GNG7: variants seen among roughly 807,000 people sequenced by gnomAD.
The protein encoded by GNG7 is G protein subunit gamma 7.
In GNG7, 1 loss-of-function variant was observed where a neutral mutation model predicts 4.0. The ratio of observed to expected loss-of-function variants is 0.25; its 90% CI spans 0.09 to 1.18. The LOEUF (loss-of-function observed/expected upper bound fraction) is 1.18. Ranked by LOEUF, GNG7 falls within the 50% of genes most tolerant of loss-of-function variation. The pLI, the probability that GNG7 is intolerant of heterozygous loss-of-function variation, is 0.50. For missense variants in GNG7, 86 were observed against 91.9 expected (o/e 0.94, Z 0.26); for synonymous variants, 34 against 36.9 (o/e 0.92, Z 0.29).
At chr19:2,612,232 C>G (rs912254608) in intron 2 of GNG7, among the ~76,000 whole-genome samples, 6 of 152,090 alleles carry the variant, frequency 3.9e-5, no homozygotes, top group Non-Finnish European at 8.8e-5. Context: ...CCCTGGGGCC[C>G]CATCCTTCTC....
chr19:2,655,240 T>A (rs1982936197), intron 1 of GNG7, among the ~76,000 whole-genome samples: 1 of 142,408 alleles, frequency 7.0e-6, no homozygotes, highest in African/African-American at 2.6e-5. Flanking sequence ...AGACCCTATC[T>A]CAAAAAAAAG....
In GNG7 at chr19:2,628,548, C is replaced by T. The variant is rs140609641; in HGVS notation, c.-78+17676G>A. ...GTGTATATATATATATAACATAAGA[C>T]GGATCATCTTAACCACGTTTATGTG... On this transcript the variant is annotated intron_variant, in intron 2 of 4. Coordinates refer to ENST00000382159, the MANE Select transcript of GNG7 (RefSeq NM_052847.3). 9.1e-3 allele frequency among the ~76,000 whole-genome samples: 1,370 copies of T among 150,322 alleles called. 25 individuals carry two copies. The highest frequency in any genetic ancestry group is 0.028 in the African/African-American group (1,132 of 39,894).
intron 4 of GNG7, among the ~76,000 whole-genome samples, chr19:2,517,455 C>T (rs1277936515): frequency 6.6e-6 from 1 of 152,160 alleles, no homozygotes; most frequent in Non-Finnish European, 1.5e-5. Context: ...ACCTCCGCCC[C>T]CTGGGTCCAA....
chr19:2,530,382 C>T (rs990647475), intron 3 of GNG7, among the ~76,000 whole-genome samples: 2 of 147,698 alleles, frequency 1.4e-5, no homozygotes, highest in South Asian at 2.1e-4. Flanking sequence ...CACTGCACTC[C>T]AGCCTGGGCG....
At chr19:2,580,154 G>C (rs1038385591) in intron 2 of GNG7, among the ~76,000 whole-genome samples, 14 of 152,176 alleles carry the variant, frequency 9.2e-5, no homozygotes, top group Non-Finnish European at 1.9e-4. Flanking sequence ...GCAGCTGAGT[G>C]AGCCCTGCCA....
chr19:2,647,364 C>T (rs919684803), intron 1 of GNG7, among the ~76,000 whole-genome samples: 4 of 152,122 alleles, frequency 2.6e-5, no homozygotes, highest in South Asian at 4.1e-4. Context: ...GGGGAGAGGG[C>T]CTGGAAGCTG....
At chr19:2,695,328 C>T (rs1385564695) in intron 1 of GNG7, among the ~76,000 whole-genome samples, 1 of 151,550 alleles carries the variant, frequency 6.6e-6, no homozygotes, top group African/African-American at 2.4e-5. Context: ...CTATTCAGCT[C>T]CTAGAACACA....
intron 3 of GNG7, among the ~76,000 whole-genome samples, chr19:2,526,226 T>G (rs1366173717): frequency 1.3e-5 from 2 of 151,672 alleles, no homozygotes; most frequent in Non-Finnish European, 2.9e-5. Flanking sequence ...TGCCTCGGCC[T>G]CCCAGAGTGC....
At chr19:2,699,135 G>A (rs967179914) in intron 1 of GNG7, among the ~76,000 whole-genome samples, 9 of 147,690 alleles carry the variant, frequency 6.1e-5, no homozygotes, top group African/African-American at 1.5e-4. Flanking sequence ...GGCCCACCTA[G>A]AAAGGAGTAG....
At chr19:2,657,974 C>T (rs1983039493) in intron 1 of GNG7, among the ~76,000 whole-genome samples, 1 of 152,100 alleles carries the variant, frequency 6.6e-6, no homozygotes, top group Non-Finnish European at 1.5e-5. Flanking sequence ...CATGACCTTA[C>T]CTATCATTGG....
At position 2,633,075 on chromosome 19, in the gene GNG7, C is replaced by T. The variant is rs931395983; in HGVS notation, c.-78+13149G>A. On this transcript the variant is annotated intron_variant, in intron 2 of 4. Transcript: ENST00000382159. This position sits in a 1 kb window ranked among gnomAD's most constrained non-coding sequence, Gnocchi z 5.9. Reference sequence around the variant, plus strand: ...ACCATCTATGACACGCATCCCCAGGCGGCACCGGGAGTGTCTGCGCAGAGA... The same window carrying T: ...ACCATCTATGACACGCATCCCCAGGTGGCACCGGGAGTGTCTGCGCAGAGA... 2.0e-5 allele frequency among the ~76,000 whole-genome samples: 3 copies of T among 152,232 alleles called. No homozygotes were observed. The highest frequency in any genetic ancestry group is 7.2e-5 in the African/African-American group (3 of 41,460).
chr19:2,603,170 G>A (rs985791368), intron 2 of GNG7, among the ~76,000 whole-genome samples: 2 of 151,940 alleles, frequency 1.3e-5, no homozygotes, highest in Admixed American at 6.6e-5. Context: ...GGGTTCAAGC[G>A]ATCCTCCTGC....
chr19:2,631,571 G>T (rs374685105), intron 2 of GNG7, among the ~76,000 whole-genome samples: 18 of 152,272 alleles, frequency 1.2e-4, no homozygotes, highest in Middle Eastern at 3.4e-3. Flanking sequence ...TTGGCCCAGG[G>T]ACCTGCAGTA....
rs141637032 is a variant in GNG7 at position 2,605,719 on chromosome 19, G to A, written c.-78+40505C>T. ...AGTAGAGACGGGGTTTCACCATGTT[G>A]GCCAGCATGGTCTCGATCTCCTGAC... On this transcript the variant is annotated intron_variant, in intron 2 of 4. Transcript: ENST00000382159. Among the ~76,000 whole-genome samples the A allele has an allele frequency of 3.2e-3, 479 of 150,196 alleles. 4 individuals are homozygous for A. Among genetic ancestry groups the A allele is most frequent in the East Asian group, 0.022 (113 of 5,030 alleles).
intron 1 of GNG7, among the ~76,000 whole-genome samples, chr19:2,691,909 C>T (rs993882502): frequency 7.9e-5 from 12 of 151,572 alleles, no homozygotes; most frequent in South Asian, 2.1e-4. Context: ...CACGGACACC[C>T]GGGGAGAAGG....
At chr19:2,701,586 C>A in intron 1 of GNG7, among the ~76,000 whole-genome samples, 1 of 151,314 alleles carries the variant, frequency 6.6e-6, no homozygotes. Flanking sequence ...ACCCCTGGGC[C>A]GTCAATCACA....
chr19:2,619,146 G>GT (rs1364634408), intron 2 of GNG7, among the ~76,000 whole-genome samples: 1 of 152,170 alleles, frequency 6.6e-6, no homozygotes, highest in African/African-American at 2.4e-5. Flanking sequence ...ACAAATATCC[G>GT]TAAGTAGAAG....
intron 2 of GNG7, among the ~76,000 whole-genome samples, chr19:2,637,520 C>T (rs1235993102): frequency 6.6e-6 from 1 of 152,168 alleles, no homozygotes. Flanking sequence ...GCCCAGCGCC[C>T]AGCAAACAGG....
chr19:2,677,995 C>G (rs1427389440), intron 1 of GNG7, among the ~76,000 whole-genome samples: 1 of 152,232 alleles, frequency 6.6e-6, no homozygotes, highest in African/African-American at 2.4e-5. Flanking sequence ...ATGAGTGTGA[C>G]TGTCCCTCTG....
Sources: allele counts gnomAD v4.1 joint callset (sites outside exome capture counted in the v4.1 genomes callset), GRCh38; gene constraint gnomAD v4.1.1; non-coding constraint Gnocchi (gnomAD v3.1); transcripts MANE v1.5; gene names NCBI Gene and HGNC (gene_info 2026-07-23, HGNC 2026-07-21).